The following METTL26 variants were observed in gnomAD, a reference collection of about 807,000 sequenced individuals.
METTL26 encodes the protein methyltransferase like 26, also known as methyltransferase-like 26.
METTL26 carries 28 observed loss-of-function variants against 24.7 expected under a neutral mutation model. The ratio of observed to expected loss-of-function variants is 1.13; its 90% CI spans 0.84 to 1.55. METTL26 has a LOEUF of 1.55. Among genes scored for constraint, METTL26 ranks in the 40% most tolerant of loss-of-function variants. METTL26 has a pLI of 0.00. For synonymous variants in METTL26, 165 were observed against 125.2 expected, an observed-to-expected ratio of 1.32 and a Z score of -2.12; for missense variants, 344 against 281.2, an observed-to-expected ratio of 1.22 and a Z score of -1.60.
Position 634,729 on chromosome 16 carries a change from A to T in METTL26, c.557T>A (p.Leu186Gln). ...EDLGKASGLLLERMVDMPANN... is the reference protein window; with the variant it reads ...EDLGKASGLLQERMVDMPANN... ...CGCTCCCCCACCTACCATCCTCTCC[A>T]GGAGCAGGCCACTGGCCTTTCCCAG... The change falls in exon 5 of 6, where the codon CTG becomes CAG. Residue 186 changes from leucine to glutamine, a missense_variant. Physicochemically the swap from Leu to Gln is moderately radical, Grantham distance 113. Transcript: ENST00000301686. 8.7e-6 allele frequency: 14 copies of T among 1,612,848 alleles called. No homozygotes were observed. Among genetic ancestry groups the T allele is most frequent in the Non-Finnish European group, 1.2e-5 (14 of 1,179,952 alleles).
intron 4 of METTL26, 38 bp from the exon 5 acceptor site, chr16:634,835 G>T (rs990332316): frequency 6.3e-7 from 1 of 1,587,678 alleles, no homozygotes; most frequent in South Asian, 1.1e-5. Flanking sequence ...GGCCTGGGGG[G>T]TGCCACCCAA....
Position 634,716 on chromosome 16 carries a change from T to G in METTL26, c.567+3A>C. The G allele has an allele frequency of 6.2e-7, 1 of 1,612,854 alleles. No individual in the cohort carries two copies. Among genetic ancestry groups the G allele is most frequent in the Non-Finnish European group, 8.5e-7 (1 of 1,179,954 alleles). Reference sequence around the variant, plus strand: ...TTGCCTGGGCCCCCGCTCCCCCACCTACCATCCTCTCCAGGAGCAGGCCAC... The same window carrying G: ...TTGCCTGGGCCCCCGCTCCCCCACCGACCATCCTCTCCAGGAGCAGGCCAC... On this transcript the variant is annotated splice_donor_region_variant and intron_variant, in intron 5 of 5. Transcript: ENST00000301686.
chr16:635,933 C>G (rs1485604586), intron 1 of METTL26, 159 bp from the exon 2 acceptor site: 1 of 1,336,566 alleles, frequency 7.5e-7, no homozygotes, highest in East Asian at 2.5e-5. Flanking sequence ...TCCGCAGCCG[C>G]GGGGGCCGCA....
chr16:634,709 C>T lies in METTL26; in HGVS notation c.567+10G>A, dbSNP rs1294294543. 2 of 1,612,898 alleles carry T rather than the reference C, an allele frequency of 1.2e-6. No individual in the cohort carries two copies. The highest frequency in any genetic ancestry group is 1.7e-6 in the Non-Finnish European group (2 of 1,179,974). ...AGAGAGGTTGCCTGGGCCCCCGCTCCCCCACCTACCATCCTCTCCAGGAGC... is the reference window on the plus strand; with the variant it reads ...AGAGAGGTTGCCTGGGCCCCCGCTCTCCCACCTACCATCCTCTCCAGGAGC... On this transcript the variant is annotated intron_variant, in intron 5 of 5. Transcript: ENST00000301686.
rs1417029066 is a variant in METTL26, at chr16:636,183, C to T, written c.108G>A (p.Ser36=). The change falls in exon 1 of 6, where the codon TCG becomes TCA. Residue 36 remains serine, a synonymous_variant. Transcript: ENST00000301686. The stretch of plus-strand genomic sequence containing the variant: ...AGTGCGCTGCGTGCTGGCCGGAGCC[C>T]GAGGCCACCTCGAGGACGCGGACGC... The part of the protein sequence containing the change: ...QRGVRVLEVA[S]GSGQHAAHFA... 11 of 1,486,182 alleles carry T rather than the reference C, an allele frequency of 7.4e-6. No homozygotes were observed. Among genetic ancestry groups the T allele is most frequent in the Middle Eastern group, 2.4e-4 (1 of 4,230 alleles). 92.1% of individuals were successfully genotyped at this position (1,486,182 alleles called of 1,614,324 possible). A position where few individuals can be genotyped will look rare whatever the true frequency, so the allele number is the denominator to read the frequency against.
intron 5 of METTL26, 22 bp downstream of exon 5, chr16:634,696 TG>T: frequency 6.2e-7 from 1 of 1,612,882 alleles, no homozygotes; most frequent in Non-Finnish European, 8.5e-7. Context: ...AGAGGTTGCC[TG>T]GGCCCCCGCT....
At position 635,300 on chromosome 16, in the gene METTL26, G is replaced by A. The variant is rs749678888; in HGVS notation, c.401C>T (p.Ala134Val). 2.5e-6 allele frequency: 4 copies of A among 1,597,500 alleles called. No homozygotes were observed. The highest frequency in any genetic ancestry group is 1.7e-5 in the Admixed American group (1 of 57,700). The part of the protein sequence containing the change: ...RAAGHLLKPR[A>V]LLITYGPYAI... Reference sequence around the variant, plus strand: ...ACTCACCCCGTAGGTGATGAGCAGGGCCCTGGGTTTGAGCAGGTGTCCTGC... The same window carrying A: ...ACTCACCCCGTAGGTGATGAGCAGGACCCTGGGTTTGAGCAGGTGTCCTGC... The change falls in exon 3 of 6, where the codon GCC becomes GTC. Residue 134 changes from alanine to valine, a missense_variant. Coordinates refer to ENST00000301686, the MANE Select transcript of METTL26 (RefSeq NM_032366.5).
Position 635,793 on chromosome 16 carries a change from T to G in METTL26, c.198-19A>C. 6.5e-7 allele frequency: 1 copy of G among 1,548,692 alleles called. No individual in the cohort carries two copies. The highest frequency in any genetic ancestry group is 1.2e-5 in the South Asian group (1 of 84,966). ...CGCGATGCTGCAGGAGGCGAACGCT[T>G]GGGTGGGGGCCGAGTCCTGTGCACC... On this transcript the variant is annotated intron_variant, in intron 1 of 5. Coordinates refer to ENST00000301686, the MANE Select transcript of METTL26 (RefSeq NM_032366.5).
chr16:636,133 T>G lies in METTL26; in HGVS notation c.158A>C (p.Glu53Ala). The stretch of plus-strand genomic sequence containing the variant: ...CTGGTCCACGTCCGACGGCTGCCAC[T>G]CGGCCAGGGGGAAGGCCCGCGCGAA... ...AHFARAFPLA[E>A]WQPSDVDQRC... Residue 53 changes from glutamate to alanine, a missense_variant, in exon 1 of 6, where the codon GAG becomes GCG. Transcript: ENST00000301686. The G allele has an allele frequency of 1.4e-6, 2 of 1,429,078 alleles. No homozygotes were observed. The highest frequency in any genetic ancestry group is 1.8e-6 in the Non-Finnish European group (2 of 1,097,712). 88.5% of individuals were successfully genotyped at this position (1,429,078 alleles called of 1,614,324 possible). A position where few individuals can be genotyped will look rare whatever the true frequency, so the allele number is the denominator to read the frequency against.
Position 636,135 on chromosome 16 carries a change from G to A in METTL26, c.156C>T (p.Ala52=), listed in dbSNP as rs775687646. 2.5e-5 allele frequency: 36 copies of A among 1,435,198 alleles called. No homozygotes were observed. In the African/African-American group the frequency reaches 5.0e-4, roughly 20 times the overall value. The allele number at this position is 1,435,198 out of a possible 1,614,324, so 88.9% of individuals were successfully genotyped here. The change falls in exon 1 of 6, where the codon GCC becomes GCT. Residue 52 remains alanine (A), a synonymous_variant. Coordinates refer to ENST00000301686, the MANE Select transcript of METTL26 (RefSeq NM_032366.5). ...GGTCCACGTCCGACGGCTGCCACTC[G>A]GCCAGGGGGAAGGCCCGCGCGAAGT... ...AAHFARAFPL[A]EWQPSDVDQR...
chr16:635,151 G>A, intron 3 of METTL26, 130 bp downstream of exon 3: 1 of 1,477,566 alleles, frequency 6.8e-7, no homozygotes, highest in South Asian at 1.3e-5. Context: ...GGTACAGACT[G>A]GAAGTGGAGG....
At position 636,236 on chromosome 16, in the gene METTL26, G is replaced by A. The variant is rs368149522; in HGVS notation, c.55C>T (p.Arg19Trp). ...CGCTGGGCCGGATCCAGGTACTGCC[G>A]CAGCACGTGCAAGATGGGATCCTTG... ...RNKDPILHVL[R>W]QYLDPAQRGV... is the part of the protein sequence containing the mutation. The change falls in exon 1 of 6, where the codon CGG (arginine) becomes TGG (tryptophan). Residue 19 changes from arginine to tryptophan, a missense_variant. Transcript: ENST00000301686. 4.5e-5 allele frequency: 67 copies of A among 1,491,676 alleles called. No homozygotes were observed. Among genetic ancestry groups the A allele is most frequent in the Admixed American group, 4.7e-5 (2 of 42,140 alleles). 92.4% of individuals were successfully genotyped at this position (1,491,676 alleles called of 1,614,324 possible). A position where few individuals can be genotyped will look rare whatever the true frequency, so the allele number is the denominator to read the frequency against.
intron 5 of METTL26, 33 bp downstream of exon 5, chr16:634,686 A>C: frequency 2.5e-6 from 4 of 1,612,978 alleles, no homozygotes; most frequent in Non-Finnish European, 3.4e-6. Flanking sequence ...CAACCCCTAG[A>C]GAGGTTGCCT....
In METTL26 at chr16:635,747, G is replaced by A. The variant is rs1193677863; in HGVS notation, c.225C>T (p.Gly75=). 6.4e-6 allele frequency: 10 copies of A among 1,573,828 alleles called. No individual in the cohort carries two copies. Among genetic ancestry groups the A allele is most frequent in the Non-Finnish European group, 6.9e-6 (8 of 1,158,640 alleles). ...DSIAATTQAQ[G]LTNVKAPLHL... ...GTAGCGGGGCCTTCACGTTGGTCAG[G>A]CCCTGGGCTTGCGTGGTGGCCGCGA... is the stretch of plus-strand genomic sequence containing the variant. Residue 75 remains glycine, a synonymous_variant, in exon 2 of 6, where the codon GGC becomes GGT. Coordinates refer to ENST00000301686, the MANE Select transcript of METTL26 (RefSeq NM_032366.5).
chr16:636,020 CG>C, intron 1 of METTL26, 73 bp downstream of exon 1: 1 of 1,441,548 alleles, frequency 6.9e-7, no homozygotes, highest in Non-Finnish European at 9.1e-7. Context: ...CCTTTTCCTC[CG>C]GGGCTGCGGG....
intron 1 of METTL26, 137 bp from the exon 2 acceptor site, chr16:635,911 G>A (rs1233599330): frequency 1.5e-6 from 2 of 1,349,846 alleles, no homozygotes; most frequent in Admixed American, 2.8e-5. Context: ...GGGACCCCGA[G>A]GTCCACCCAC....
Position 636,277 on chromosome 16 carries a change from G to C in METTL26, c.14C>G (p.Ala5Gly), listed in dbSNP as rs755644493. MLVAAAAERNKDPIL... is the reference protein window; with the variant it reads MLVAGAAERNKDPIL... ...GGGATCCTTGTTCCGCTCCGCGGCC[G>C]CCGCCACCAGCATCGCGGCAGCAAC... The change falls in exon 1 of 6, where the codon GCG becomes GGG. Residue 5 changes from alanine (A) to glycine (G), a missense_variant. Physicochemically the swap from Ala to Gly is moderately conservative, Grantham distance 60. Coordinates refer to ENST00000301686, the MANE Select transcript of METTL26 (RefSeq NM_032366.5). 1.8e-5 allele frequency: 26 copies of C among 1,448,194 alleles called. No individual in the cohort carries two copies. In the African/African-American group the frequency reaches 3.7e-4, roughly 21 times the overall value. 89.7% of individuals were successfully genotyped at this position (1,448,194 alleles called of 1,614,324 possible).
At position 635,638 on chromosome 16, in the gene METTL26, G is replaced by A. The variant is rs2037115417; in HGVS notation, c.334C>T (p.His112Tyr). Residue 112 changes from histidine (H) to tyrosine (Y), a missense_variant, in exon 2 of 6, where the codon CAT becomes TAT. Transcript: ENST00000301686. ...LDLLLCINMA[H>Y]VSPLRCTEGL... ...TCCGTGCAGCGCAGGGGGCTGACAT[G>A]GGCCATGTTGATGCAGAGCAACAGG... The A allele has an allele frequency of 1.3e-6, 2 of 1,550,240 alleles. No individual in the cohort carries two copies. Among genetic ancestry groups the A allele is most frequent in the East Asian group, 2.4e-5 (1 of 41,016 alleles).
chr16:635,720 G>A lies in METTL26; in HGVS notation c.252C>T (p.His84=), dbSNP rs2037126293. ...GCTCCCAGCCCCACGTCACGTCCAG[G>A]TGTAGCGGGGCCTTCACGTTGGTCA... ...QGLTNVKAPL[H]LDVTWGWEHW... Residue 84 remains histidine (H), a synonymous_variant, in exon 2 of 6, where the codon CAC becomes CAT. Coordinates refer to ENST00000301686, the MANE Select transcript of METTL26 (RefSeq NM_032366.5). 6.4e-7 allele frequency: 1 copy of A among 1,573,650 alleles called. No individual in the cohort carries two copies. Among genetic ancestry groups the A allele is most frequent in the African/African-American group, 1.3e-5 (1 of 74,460 alleles).
Sources: gnomAD v4.1 joint callset for allele counts on GRCh38, gnomAD v4.1.1 for gene constraint, MANE v1.5 for transcripts, NCBI Gene and HGNC (gene_info 2026-07-23, HGNC 2026-07-21) for gene names.